Variants in PTPRN2 observed in about 807,000 individuals in gnomAD.
PTPRN2 encodes the protein protein tyrosine phosphatase receptor type N2, also known as receptor-type tyrosine-protein phosphatase N2.
In PTPRN2, 74 loss-of-function variants were observed where a neutral mutation model predicts 118.8. That is an observed-to-expected ratio of 0.62 (90% CI 0.52 to 0.76). PTPRN2 has a LOEUF of 0.76. Among genes scored for constraint, PTPRN2 ranks in the 30% least tolerant of loss-of-function variants. The pLI, the probability that PTPRN2 is intolerant of heterozygous loss-of-function variation, is 0.00. For missense variants in PTPRN2, 1,481 were observed against 1,394.4 expected (o/e 1.06, Z -0.99); for synonymous variants, 641 against 608.0 (o/e 1.05, Z -0.80).
intron 2 of PTPRN2, among the ~76,000 whole-genome samples, chr7:158,417,034 C>G (rs1814719026): frequency 8.4e-6 from 1 of 119,598 alleles, no homozygotes; most frequent in Non-Finnish European, 1.8e-5. Context: ...CTCACTGTCC[C>G]CCTGTGCTAA....
At chr7:157,580,589 C>G (rs2150532384) in intron 17 of PTPRN2, among the ~76,000 whole-genome samples, 1 of 145,072 alleles carries the variant, frequency 6.9e-6, no homozygotes, top group Admixed American at 6.9e-5. Context: ...CCTGCACACC[C>G]CAGCACCTGC....
At chr7:157,782,199 G>A (rs1457732037) in intron 12 of PTPRN2, among the ~76,000 whole-genome samples, 2 of 152,268 alleles carry the variant, frequency 1.3e-5, no homozygotes, top group Non-Finnish European at 2.9e-5. Context: ...GAGGTGTGCA[G>A]TGCAAAGCCA....
intron 12 of PTPRN2, among the ~76,000 whole-genome samples, chr7:157,725,314 G>C (rs1200142998): frequency 1.0e-4 from 11 of 109,250 alleles, no homozygotes; most frequent in African/African-American, 3.0e-4. Flanking sequence ...GAGGAGTGTG[G>C]CCAGACCCTC....
chr7:158,052,288 G>T (rs1206304729), intron 11 of PTPRN2, among the ~76,000 whole-genome samples: 1 of 152,230 alleles, frequency 6.6e-6, no homozygotes, highest in South Asian at 2.1e-4. Context: ...ATTGGTTTCC[G>T]ACTTCCTCTT....
chr7:158,098,311 C>G (rs1372862520), intron 10 of PTPRN2, among the ~76,000 whole-genome samples: 2 of 152,162 alleles, frequency 1.3e-5, no homozygotes, highest in African/African-American at 4.8e-5. Context: ...ACCGGGGGGG[C>G]TCCCTGGGGA....
chr7:157,803,134 T>G (rs1258380038), intron 12 of PTPRN2, among the ~76,000 whole-genome samples: 2 of 151,932 alleles, frequency 1.3e-5, no homozygotes, highest in Non-Finnish European at 2.9e-5. Flanking sequence ...CCAGCTAATT[T>G]TTGTATTTTT....
intron 21 of PTPRN2, among the ~76,000 whole-genome samples, chr7:157,553,849 A>C (rs1798754148): frequency 6.6e-6 from 1 of 152,200 alleles, no homozygotes; most frequent in Non-Finnish European, 1.5e-5. Flanking sequence ...GTGGAGACAG[A>C]AGCTTTCATA....
At chr7:158,279,001 T>C (rs1799228760) in intron 3 of PTPRN2, among the ~76,000 whole-genome samples, 1 of 151,980 alleles carries the variant, frequency 6.6e-6, no homozygotes, top group South Asian at 2.1e-4. Context: ...TCGAGGTGAG[T>C]GTTACAGCTC....
At chr7:158,289,101 C>T (rs886980042) in intron 3 of PTPRN2, among the ~76,000 whole-genome samples, 2 of 152,052 alleles carry the variant, frequency 1.3e-5, no homozygotes, top group African/African-American at 4.8e-5. Context: ...TTTTAAGATC[C>T]TCTTTGTCTT....
Position 157,806,836 on chromosome 7 carries a change from G to T in PTPRN2, c.1788+91837C>A, listed in dbSNP as rs186908976. Among the ~76,000 whole-genome samples the T allele has an allele frequency of 1.8e-3, 281 of 152,322 alleles. 2 individuals are homozygous for T. Among genetic ancestry groups the T allele is most frequent in the African/African-American group, 5.9e-3 (245 of 41,572 alleles). ...GTCTGCATGAACAAAGTGAGTACTT[G>T]GAGGGCCACTGGCATGGGCCCAGCT... On this transcript the variant is annotated intron_variant, in intron 12 of 22. Coordinates refer to ENST00000389418, the MANE Select transcript of PTPRN2 (RefSeq NM_002847.5).
intron 2 of PTPRN2, among the ~76,000 whole-genome samples, chr7:158,381,055 T>C (rs762381162): frequency 3.9e-5 from 6 of 152,192 alleles, no homozygotes; most frequent in Non-Finnish European, 8.8e-5. Context: ...ACAAAACCAC[T>C]TTTTCCTCCT....
chr7:157,775,445 C>T (rs1319614193), intron 12 of PTPRN2, among the ~76,000 whole-genome samples: 1 of 152,238 alleles, frequency 6.6e-6, no homozygotes, highest in African/African-American at 2.4e-5. Flanking sequence ...GGAAGGAAAA[C>T]AAACCCTTGC....
At chr7:157,734,154 A>G (rs1209747787) in intron 12 of PTPRN2, among the ~76,000 whole-genome samples, 1 of 131,342 alleles carries the variant, frequency 7.6e-6, no homozygotes, top group East Asian at 2.3e-4. Flanking sequence ...CGCCCAGCAC[A>G]GTTACTCTTT....
intron 2 of PTPRN2, among the ~76,000 whole-genome samples, chr7:158,405,334 T>C (rs1196022980): frequency 6.6e-6 from 1 of 152,148 alleles, no homozygotes; most frequent in African/African-American, 2.4e-5. Flanking sequence ...ATAGGAAAAC[T>C]CTCTGAAAGC....
chr7:158,313,312 C>A (rs1226845184), intron 3 of PTPRN2, among the ~76,000 whole-genome samples: 1 of 152,208 alleles, frequency 6.6e-6, no homozygotes, highest in Non-Finnish European at 1.5e-5. Flanking sequence ...ATGCCCACCC[C>A]AGGACACACC....
intron 2 of PTPRN2, among the ~76,000 whole-genome samples, chr7:158,344,497 C>T (rs1167025217): frequency 6.6e-6 from 1 of 151,284 alleles, no homozygotes; most frequent in Non-Finnish European, 1.5e-5. Context: ...GTCTTGAATG[C>T]TAATTATACT....
chr7:157,886,826 A>G (rs76659620), intron 12 of PTPRN2, among the ~76,000 whole-genome samples: 19 of 144,870 alleles, frequency 1.3e-4, no homozygotes, highest in African/African-American at 4.3e-4. Flanking sequence ...CAGCGGGTCT[A>G]TCCTGGGGCC....
chr7:158,258,155 C>T (rs1280639942), intron 3 of PTPRN2, among the ~76,000 whole-genome samples: 3 of 152,226 alleles, frequency 2.0e-5, no homozygotes, highest in Admixed American at 6.5e-5. Context: ...ATGGCTGCCC[C>T]GGCTCCTTCT....
intron 10 of PTPRN2, among the ~76,000 whole-genome samples, chr7:158,101,827 G>T (rs1191194983): frequency 6.6e-6 from 1 of 152,218 alleles, no homozygotes; most frequent in Non-Finnish European, 1.5e-5. Flanking sequence ...TGTTGGCCAT[G>T]TGGCCAACCA....
Sources: gnomAD v4.1 joint callset for allele counts (sites outside exome capture counted in the v4.1 genomes callset) on GRCh38, gnomAD v4.1.1 for gene constraint, MANE v1.5 for transcripts, NCBI Gene and HGNC (gene_info 2026-07-23, HGNC 2026-07-21) for gene names.